TOR1AIP2: variants seen among roughly 807,000 people sequenced by gnomAD.
The protein encoded by TOR1AIP2 is torsin 1A interacting protein 2.
TOR1AIP2 carries 20 observed loss-of-function variants against 32.6 expected under a neutral mutation model. The observed-to-expected ratio is 0.61, with a 90% CI of 0.43 to 0.89. The LOEUF is 0.89. TOR1AIP2 is among the 40% of genes least tolerant of loss of function. TOR1AIP2 has a pLI of 0.00. For synonymous variants in TOR1AIP2, 214 were observed against 210.8 expected, an observed-to-expected ratio of 1.02 and a Z score of -0.13; for missense variants, 456 against 553.8, an observed-to-expected ratio of 0.82 and a Z score of 1.77.
intron 3 of TOR1AIP2, chr1:179,860,673 G>A (rs571605452): frequency 1.0e-6 from 1 of 984,590 alleles, no homozygotes; most frequent in East Asian, 1.1e-4. Flanking sequence ...CACAGATGAA[G>A]AAACTAGATA....
chr1:179,859,141 T>C, intron 3 of TOR1AIP2: 1 of 985,368 alleles, frequency 1.0e-6, no homozygotes, highest in Non-Finnish European at 1.2e-6. Context: ...AAACAAGTAG[T>C]TACAATCCTG....
chr1:179,860,189 A>C lies in TOR1AIP2; in HGVS notation c.-147+5247T>G, dbSNP rs945361484. ...CAGTTCAAACAATTGGCTTAGTTCT[A>C]AAACTAAGACTCGGTGGACACGGCG... is the stretch of plus-strand genomic sequence containing the variant. On this transcript the variant is annotated intron_variant, in intron 3 of 6. Coordinates refer to ENST00000609928, the MANE Select transcript of TOR1AIP2 (RefSeq NM_001199260.2). 8.3e-5 allele frequency: 82 copies of C among 985,420 alleles called. No homozygotes were observed. The African/African-American group carries it at 1.3e-3, about 16-fold the overall frequency. The allele number at this position is 985,420 out of a possible 1,614,324, so 61.0% of individuals were successfully genotyped here.
chr1:179,871,418 C>T (rs948478877), intron 2 of TOR1AIP2, among the ~76,000 whole-genome samples: 2 of 152,138 alleles, frequency 1.3e-5, no homozygotes, highest in African/African-American at 2.4e-5. Flanking sequence ...TTTACATCAA[C>T]TAACCATGGC....
intron 2 of TOR1AIP2, chr1:179,868,836 T>C (rs933129041): frequency 6.6e-6 from 1 of 152,136 alleles, no homozygotes; most frequent in Non-Finnish European, 1.5e-5. Flanking sequence ...ATAAAATTAA[T>C]GTGTTGTTTA....
chr1:179,849,186 TCTCATCTCTTA>T (rs1339525712), intron 5 of TOR1AIP2, among the ~76,000 whole-genome samples: 1 of 152,058 alleles, frequency 6.6e-6, no homozygotes, highest in African/African-American at 2.4e-5. Context: ...AAACAAAGTT[TCTCATCTCTTA>T]GAGTATAGAT....
rs532635890 is a variant in TOR1AIP2 at position 179,860,732 on chromosome 1, T to C, written c.-147+4704A>G. On this transcript the variant is annotated intron_variant, in intron 3 of 6. Coordinates refer to ENST00000609928, the MANE Select transcript of TOR1AIP2 (RefSeq NM_001199260.2). The stretch of plus-strand genomic sequence containing the variant: ...TCATTTAATAGTATCAGAATTAGAA[T>C]AGAAACCCAGCTGGCTGCAAGGCCA... 631 of 985,346 alleles carry C rather than the reference T, an allele frequency of 6.4e-4. 6 individuals carry two copies. In the South Asian group the frequency reaches 0.027, roughly 42 times the overall value. 61.0% of individuals were successfully genotyped at this position (985,346 alleles called of 1,614,324 possible).
rs1696732164 is a variant in TOR1AIP2, at chr1:179,865,508, T to C, written c.-219A>G. The C allele has an allele frequency of 4.3e-6, 1 of 233,062 alleles. No individual in the cohort carries two copies. Among genetic ancestry groups the C allele is most frequent in the Non-Finnish European group, 8.2e-6 (1 of 121,568 alleles). The allele number at this position is 233,062 out of a possible 1,614,324, so 14.4% of individuals were successfully genotyped here. On this transcript the variant is annotated 5_prime_UTR_variant, in exon 3 of 7. Transcript: ENST00000609928. ...GAAGAGATAGGGCTCTAGTCTAAAT[T>C]AGTTATATTTTTCTTATGCGTCATC... is the stretch of plus-strand genomic sequence containing the variant.
chr1:179,871,953 C>A (rs1284793676), intron 2 of TOR1AIP2, among the ~76,000 whole-genome samples: 1 of 152,156 alleles, frequency 6.6e-6, no homozygotes, highest in East Asian at 1.9e-4. Flanking sequence ...AAAAAGTCAA[C>A]TTGTTTTGTG....
intron 3 of TOR1AIP2, chr1:179,864,160 A>C: frequency 1.0e-6 from 1 of 985,486 alleles, no homozygotes; most frequent in Non-Finnish European, 1.2e-6. Context: ...TTCCTAATAG[A>C]ATGTGATTTA....
At position 179,840,068 on chromosome 1, in the gene TOR1AIP2, G is replaced by T. The variant is rs1032969626; in HGVS notation, c.*6003C>A. 6.6e-6 allele frequency: 1 copy of T among 152,228 alleles called. No individual in the cohort carries two copies. The highest frequency in any genetic ancestry group is 2.4e-5 in the African/African-American group (1 of 41,450). 9.4% of individuals were successfully genotyped at this position (152,228 alleles called of 1,614,324 possible). On this transcript the variant is annotated 3_prime_UTR_variant, in exon 7 of 7. Transcript: ENST00000609928. The stretch of plus-strand genomic sequence containing the variant: ...AGAAACAAATACAAAAGCAATCCCT[G>T]TTATACAGAAAGGGAGTGCAGAGAA...
intron 3 of TOR1AIP2, chr1:179,862,337 C>G (rs193162186): frequency 1.0e-6 from 1 of 984,912 alleles, no homozygotes; most frequent in South Asian, 4.7e-5. Flanking sequence ...ATACTATTCT[C>G]GAAAGCACTC....
At chr1:179,851,452 A>G (rs1696114504) in intron 4 of TOR1AIP2, 89 bp from the exon 5 acceptor site, 1 of 1,050,642 alleles carries the variant, frequency 9.5e-7, no homozygotes. Flanking sequence ...AATAATATTT[A>G]CATAGATTTT....
In TOR1AIP2 at chr1:179,846,415, T is replaced by C; in HGVS notation, c.1069A>G (p.Asn357Asp). 8.7e-6 allele frequency: 14 copies of C among 1,614,172 alleles called. No homozygotes were observed. Among genetic ancestry groups the C allele is most frequent in the Non-Finnish European group, 1.2e-5 (14 of 1,180,032 alleles). Residue 357 changes from asparagine to aspartate, a missense_variant, in exon 7 of 7, where the codon AAT (asparagine) becomes GAT (aspartate). Physicochemically the swap from Asn to Asp is conservative, Grantham distance 23. Transcript: ENST00000609928. The part of the protein sequence containing the change: ...VDLELSYGFE[N>D]GQKAAVVHHF... ...TGTACCACAGCAGCCTTCTGGCCAT[T>C]CTCAAACCCATAGCTCAGCTCCAGG...
chr1:179,856,139 A>C (rs1222475862), intron 3 of TOR1AIP2, among the ~76,000 whole-genome samples: 1 of 152,092 alleles, frequency 6.6e-6, no homozygotes, highest in African/African-American at 2.4e-5. Context: ...ACACCACTTC[A>C]CTCCAGCCTG....
At chr1:179,875,476 C>A (rs534020911) in intron 2 of TOR1AIP2, 1 of 152,146 alleles carries the variant, frequency 6.6e-6, no homozygotes, top group Non-Finnish European at 1.5e-5. Context: ...AAAGGCAAAA[C>A]CAGACAGCTT....
intron 3 of TOR1AIP2, chr1:179,863,965 A>T: frequency 1.0e-6 from 1 of 985,362 alleles, no homozygotes; most frequent in Non-Finnish European, 1.2e-6. Context: ...TGTTCATAAT[A>T]TATATGAAGT....
At position 179,844,948 on chromosome 1, in the gene TOR1AIP2, A is replaced by G. The variant is rs1402319125; in HGVS notation, c.*1123T>C. 6.6e-6 allele frequency: 1 copy of G among 152,250 alleles called. No individual in the cohort carries two copies. The highest frequency in any genetic ancestry group is 1.5e-5 in the Non-Finnish European group (1 of 68,026). 9.4% of individuals were successfully genotyped at this position (152,250 alleles called of 1,614,324 possible). ...CTACAAACTCTTACCCTAGACAAGT[A>G]TAAAATTCCATGCAGAGGGGACAGA... is the stretch of plus-strand genomic sequence containing the variant. On this transcript the variant is annotated 3_prime_UTR_variant, in exon 7 of 7. Transcript: ENST00000609928.
At chr1:179,862,225 T>C (rs1162200518) in intron 3 of TOR1AIP2, 2 of 981,916 alleles carry the variant, frequency 2.0e-6, no homozygotes, top group African/African-American at 1.7e-5. Context: ...ATTTTGCTGA[T>C]ATTTAAATTT....
chr1:179,846,518 G>C lies in TOR1AIP2; in HGVS notation c.966C>G (p.Ser322=). 1 of 1,614,178 alleles carries C rather than the reference G, an allele frequency of 6.2e-7. No individual in the cohort carries two copies. The highest frequency in any genetic ancestry group is 8.5e-7 in the Non-Finnish European group (1 of 1,180,026). ...SHHVADAYTS[S]QKVSPIQIDG... Reference sequence around the variant, plus strand: ...CAATCTGAATGGGAGAGACTTTCTGGGAAGAGGTGTAGGCATCTGCAACAT... The same window carrying C: ...CAATCTGAATGGGAGAGACTTTCTGCGAAGAGGTGTAGGCATCTGCAACAT... Residue 322 remains serine (S), a synonymous_variant, in exon 7 of 7, where the codon TCC becomes TCG. Transcript: ENST00000609928.
Sources: allele counts gnomAD v4.1 joint callset (sites outside exome capture counted in the v4.1 genomes callset), GRCh38; gene constraint gnomAD v4.1.1; transcripts MANE v1.5; gene names NCBI Gene and HGNC (gene_info 2026-07-23, HGNC 2026-07-21).